The following C4orf54 variants were observed in gnomAD, a reference collection of about 807,000 sequenced individuals.
C4orf54 encodes uncharacterized protein C4orf54.
Under a neutral mutation model 80.1 loss-of-function variants are expected in C4orf54, and 67 were observed. The observed-to-expected ratio is 0.84, with a 90% CI of 0.69 to 1.03. The LOEUF (loss-of-function observed/expected upper bound fraction) is 1.03. C4orf54 is among the 50% of genes least tolerant of loss of function. C4orf54 has a pLI of 0.00. For synonymous variants in C4orf54, 1,000 were observed against 917.0 expected (o/e 1.09, Z -1.64); for missense variants, 2,434 against 2,253.5 (o/e 1.08, Z -1.62).
rs1241351931 is a variant in C4orf54 at position 99,640,857 on chromosome 4, T to A, written c.*376A>T. On this transcript the variant is annotated 3_prime_UTR_variant, in exon 3 of 3. Transcript: ENST00000511828. ...CAACAGAATCAATCCCATTCTGTGG[T>A]ATGTTTTGACTGAACAATGGGAACA... 6.6e-6 allele frequency: 1 copy of A among 152,186 alleles called. No individual in the cohort carries two copies. The highest frequency in any genetic ancestry group is 1.5e-5 in the Non-Finnish European group (1 of 68,004). The allele number at this position is 152,186 out of a possible 1,614,324, so 9.4% of individuals were successfully genotyped here.
In C4orf54 at chr4:99,652,146, T is replaced by C. The variant is rs759124229; in HGVS notation, c.2503A>G (p.Met835Val). 64 of 1,535,980 alleles carry C rather than the reference T, an allele frequency of 4.2e-5. No homozygotes were observed. In the South Asian group the frequency reaches 7.1e-4, roughly 17 times the overall value. ...HEFKMERGEV[M>V]DTSHHLSGTS... ...CCTGAGAGGTGGTGGGATGTATCCA[T>C]GACTTCTCCCCTCTCCATTTTGAAC... Residue 835 changes from methionine (M) to valine (V), a missense_variant, in exon 2 of 3, where the codon ATG (methionine) becomes GTG (valine). Coordinates refer to ENST00000511828, the MANE Select transcript of C4orf54 (RefSeq NM_001354435.2).
In C4orf54 at chr4:99,653,848, T is replaced by C. The variant is rs1437001464; in HGVS notation, c.801A>G (p.Ser267=). ...HSASEEGGNF[S]SSSSSSPMNK... is the part of the protein sequence containing the mutation. Reference sequence around the variant, plus strand: ...TCATCGGGGAGGAGGATGAGGAAGATGAGAAATTGCCACCCTCTTCAGAGG... The same window carrying C: ...TCATCGGGGAGGAGGATGAGGAAGACGAGAAATTGCCACCCTCTTCAGAGG... The change falls in exon 2 of 3, where the codon TCA becomes TCG. Residue 267 remains serine, a synonymous_variant. Transcript: ENST00000511828. 12 of 1,536,074 alleles carry C rather than the reference T, an allele frequency of 7.8e-6. No homozygotes were observed. In the Admixed American group the frequency reaches 2.4e-4, roughly 30 times the overall value.
intron 2 of C4orf54, among the ~76,000 whole-genome samples, chr4:99,648,973 T>G (rs1180351600): frequency 2.0e-5 from 3 of 152,124 alleles, no homozygotes; most frequent in Non-Finnish European, 4.4e-5. Flanking sequence ...TCCCTTCTAC[T>G]CTCAGGTGGG....
rs1180393267 is a variant in C4orf54, at chr4:99,651,275, G to T, written c.3374C>A (p.Thr1125Asn). ...GGGTCCAGTCAGCCCCTGCTCTGGG[G>T]TAACACTGCCCTTGTCACTACTATC... is the stretch of plus-strand genomic sequence containing the variant. ...SGDSSDKGSV[T>N]PEQGLTGPKP... Residue 1125 changes from threonine (T) to asparagine (N), a missense_variant, in exon 2 of 3, where the codon ACC (threonine) becomes AAC (asparagine). Coordinates refer to ENST00000511828, the MANE Select transcript of C4orf54 (RefSeq NM_001354435.2). 6.5e-7 allele frequency: 1 copy of T among 1,536,104 alleles called. No homozygotes were observed. Among genetic ancestry groups the T allele is most frequent in the Admixed American group, 2.0e-5 (1 of 51,008 alleles).
At chr4:99,656,367 CCT>C (rs1354393393) in intron 1 of C4orf54, among the ~76,000 whole-genome samples, 3 of 151,718 alleles carry the variant, frequency 2.0e-5, no homozygotes, top group African/African-American at 7.3e-5. Flanking sequence ...GCAACCTCTG[CCT>C]CTCGGGTTCA....
In C4orf54 at chr4:99,653,836, G is replaced by A. The variant is rs557526296; in HGVS notation, c.813C>T (p.Ser271=). ...EEGGNFSSSS[S]SSPMNKAEED... Reference sequence around the variant, plus strand: ...CTTCTGCTTTGTTCATCGGGGAGGAGGATGAGGAAGATGAGAAATTGCCAC... The same window carrying A: ...CTTCTGCTTTGTTCATCGGGGAGGAAGATGAGGAAGATGAGAAATTGCCAC... Residue 271 remains serine (S), a synonymous_variant, in exon 2 of 3, where the codon TCC becomes TCT. Coordinates refer to ENST00000511828, the MANE Select transcript of C4orf54 (RefSeq NM_001354435.2). The A allele has an allele frequency of 1.3e-6, 2 of 1,536,084 alleles. No individual in the cohort carries two copies. The highest frequency in any genetic ancestry group is 1.4e-5 in the African/African-American group (1 of 73,036).
Position 99,654,003 on chromosome 4 carries a change from C to T in C4orf54, c.646G>A (p.Gly216Arg), listed in dbSNP as rs1035918502. 59 of 1,535,942 alleles carry T rather than the reference C, an allele frequency of 3.8e-5. No individual in the cohort carries two copies. Among genetic ancestry groups the T allele is most frequent in the Non-Finnish European group, 4.9e-5 (56 of 1,146,900 alleles). The change falls in exon 2 of 3, where the codon GGG becomes AGG. Residue 216 changes from glycine to arginine, a missense_variant. Transcript: ENST00000511828. ...GCCCTCTGACCCCCAGGGCAGTGCC[C>T]CAGGGTAAGTTTCATGGTCTGGGGA... Reference protein sequence around the residue: ...ESPQTMKLTLGHCPGGQRASR... With the variant: ...ESPQTMKLTLRHCPGGQRASR...
rs972550149 is a variant in C4orf54 at position 99,652,316 on chromosome 4, C to A, written c.2333G>T (p.Gly778Val). The A allele has an allele frequency of 5.9e-6, 9 of 1,535,748 alleles. No individual in the cohort carries two copies. Among genetic ancestry groups the A allele is most frequent in the African/African-American group, 1.4e-5 (1 of 73,014 alleles). ...GTCGTCCGTGTATGCCGACCCGGGA[C>A]CCTTGCCGGGGCCTTTGGTGGCCCT... ...PGRATKGPGK[G>V]PGSAYTDDGS... is the part of the protein sequence containing the mutation. The change falls in exon 2 of 3, where the codon GGT (glycine) becomes GTT (valine). Residue 778 changes from glycine (G) to valine (V), a missense_variant. Transcript: ENST00000511828.
chr4:99,654,815 G>A (rs1186464621), intron 1 of C4orf54, among the ~76,000 whole-genome samples, 136 bp from the exon 2 acceptor site: 2 of 152,234 alleles, frequency 1.3e-5, no homozygotes, highest in African/African-American at 4.8e-5. Flanking sequence ...GGGTGGAGGA[G>A]GCATGTGGAT....
chr4:99,650,959 C>A lies in C4orf54; in HGVS notation c.3690G>T (p.Lys1230Asn), dbSNP rs1413564519. The A allele has an allele frequency of 1.3e-6, 2 of 1,536,032 alleles. No homozygotes were observed. The highest frequency in any genetic ancestry group is 8.7e-7 in the Non-Finnish European group (1 of 1,146,932). Reference sequence around the variant, plus strand: ...CCTCCTCCTTGAGCTTCTCTGGGGTCTTCTGGGTGGAAGCCTTGGAGACAA... The same window carrying A: ...CCTCCTCCTTGAGCTTCTCTGGGGTATTCTGGGTGGAAGCCTTGGAGACAA... ...LKIVSKASTQ[K>N]TPEKLKEEEV... is the part of the protein sequence containing the mutation. Residue 1230 changes from lysine (K) to asparagine (N), a missense_variant, in exon 2 of 3, where the codon AAG becomes AAT. Physicochemically the swap from Lys to Asn is moderately conservative, Grantham distance 94. Coordinates refer to ENST00000511828, the MANE Select transcript of C4orf54 (RefSeq NM_001354435.2).
At chr4:99,645,982 G>A (rs1214202881) in intron 2 of C4orf54, among the ~76,000 whole-genome samples, 1 of 152,016 alleles carries the variant, frequency 6.6e-6, no homozygotes, top group South Asian at 2.1e-4. Context: ...GAATAACTGG[G>A]ATATTGACCA....
In C4orf54 at chr4:99,650,593, C is replaced by G. The variant is rs1225088127; in HGVS notation, c.4056G>C (p.Val1352=). 1.3e-6 allele frequency: 2 copies of G among 1,536,068 alleles called. No homozygotes were observed. The highest frequency in any genetic ancestry group is 2.4e-5 in the South Asian group (2 of 84,052). Residue 1352 remains valine (V), a synonymous_variant, in exon 2 of 3, where the codon GTG becomes GTC. Coordinates refer to ENST00000511828, the MANE Select transcript of C4orf54 (RefSeq NM_001354435.2). ...TCTCAAAGGCCGCTGCCCTGGCAGA[C>G]ACACTCTCAGCGCTGGGGTTGGAGT... is the stretch of plus-strand genomic sequence containing the variant. ...RRNSNPSAES[V]SARAAAFENL... is the part of the protein sequence containing the mutation.
Position 99,652,325 on chromosome 4 carries a change from G to C in C4orf54, c.2324C>G (p.Pro775Arg), listed in dbSNP as rs929403990. Reference sequence around the variant, plus strand: ...GTATGCCGACCCGGGACCCTTGCCGGGGCCTTTGGTGGCCCTGCCGGGCCC... The same window carrying C: ...GTATGCCGACCCGGGACCCTTGCCGCGGCCTTTGGTGGCCCTGCCGGGCCC... ...APGPGRATKG[P>R]GKGPGSAYTD... Residue 775 changes from proline (P) to arginine (R), a missense_variant, in exon 2 of 3, where the codon CCC (proline) becomes CGC (arginine). Physicochemically the swap from Pro to Arg is moderately radical, Grantham distance 103. Transcript: ENST00000511828. 9.8e-6 allele frequency: 15 copies of C among 1,535,728 alleles called. No homozygotes were observed. In the African/African-American group the frequency reaches 1.8e-4, roughly 18 times the overall value.
chr4:99,643,792 A>AC (rs10714195), intron 2 of C4orf54, among the ~76,000 whole-genome samples: 8 of 98,862 alleles, frequency 8.1e-5, no homozygotes, highest in Non-Finnish European at 1.2e-4. Flanking sequence ...ACACACACAC[A>AC]CCCCCTCCGC....
Position 99,638,780 on chromosome 4 carries a change from T to C in C4orf54, c.*2453A>G, listed in dbSNP as rs1327674128. The C allele has an allele frequency of 6.6e-6, 1 of 152,040 alleles. No individual in the cohort carries two copies. The highest frequency in any genetic ancestry group is 2.4e-5 in the African/African-American group (1 of 41,418). The allele number at this position is 152,040 out of a possible 1,614,324, so 9.4% of individuals were successfully genotyped here. On this transcript the variant is annotated 3_prime_UTR_variant, in exon 3 of 3. Coordinates refer to ENST00000511828, the MANE Select transcript of C4orf54 (RefSeq NM_001354435.2). ...AATATTTTTTCCCTATCACTGGAGG[T>C]AGTGAATGGCCTAGCAGCTTTGTAT...
chr4:99,646,172 T>C (rs188642173), intron 2 of C4orf54, among the ~76,000 whole-genome samples: 141 of 152,302 alleles, frequency 9.3e-4, no homozygotes, highest in Admixed American at 3.3e-3. Context: ...GAAATACTTA[T>C]TATTTGAACT....
At position 99,653,914 on chromosome 4, in the gene C4orf54, G is replaced by A. The variant is rs554625247; in HGVS notation, c.735C>T (p.Asn245=). ...EPSSKTPSPQ[N]NPASSQLSRS... ...TAGAGAGTTGGGAGGAGGCAGGATT[G>A]TTCTGGGGGCTTGGAGTCTTGCTGC... The change falls in exon 2 of 3, where the codon AAC becomes AAT. Residue 245 remains asparagine, a synonymous_variant. Transcript: ENST00000511828. The A allele has an allele frequency of 6.5e-7, 1 of 1,536,294 alleles. No homozygotes were observed.
At position 99,649,407 on chromosome 4, in the gene C4orf54, G is replaced by A. The variant is rs1353818252; in HGVS notation, c.5242C>T (p.Gln1748Ter). ...GCAAAGGCCTTGGCCCCTAGGAGCT[G>A]GGATGTGGCTGCTGGGGCTGAGGAG... Reference protein sequence around the residue: ...STSSAPAATSQLLGAKAFAQL... With the variant: ...STSSAPAATS Residue 1748 changes from glutamine (Q) to a stop codon, truncating the protein, a stop_gained, in exon 2 of 3, where the codon CAG becomes TAG. Coordinates refer to ENST00000511828, the MANE Select transcript of C4orf54 (RefSeq NM_001354435.2). LOFTEE classifies it low-confidence loss of function (END_TRUNC). 2 of 1,536,050 alleles carry A rather than the reference G, an allele frequency of 1.3e-6. No homozygotes were observed. The highest frequency in any genetic ancestry group is 2.0e-5 in the Admixed American group (1 of 50,990).
rs1578275936 is a variant in C4orf54, at chr4:99,652,712, G to A, written c.1937C>T (p.Ser646Phe). The change falls in exon 2 of 3, where the codon TCC becomes TTC. Residue 646 changes from serine (S) to phenylalanine (F), a missense_variant. Ser to Phe is a radical substitution (Grantham distance 155). Transcript: ENST00000511828. ...GGAGAGCGTGGTGGAGGACTCCCGG[G>A]AGCTGATGTTCAGAGCCTCAAAGTA... ...YPYFEALNISSRESSTTLSEV... is the reference protein window; with the variant it reads ...YPYFEALNISFRESSTTLSEV... The A allele has an allele frequency of 6.5e-7, 1 of 1,536,076 alleles. No individual in the cohort carries two copies. Among genetic ancestry groups the A allele is most frequent in the Non-Finnish European group, 8.7e-7 (1 of 1,146,896 alleles).
Sources: gnomAD v4.1 joint callset for allele counts (sites outside exome capture counted in the v4.1 genomes callset) on GRCh38, gnomAD v4.1.1 for gene constraint, MANE v1.5 for transcripts, NCBI Gene and HGNC (gene_info 2026-07-23, HGNC 2026-07-21) for gene names.